The following CDCA4 variants were observed in gnomAD, a reference collection of about 807,000 sequenced individuals.
CDCA4 encodes the protein cell division cycle associated 4.
For synonymous variants in CDCA4, 130 were observed against 137.0 expected (o/e 0.95, Z 0.36); for missense variants, 294 against 322.1 (o/e 0.91, Z 0.67).
At chr14:105,012,400 G>A (rs909656815) in intron 1 of CDCA4, among the ~76,000 whole-genome samples, 3 of 152,318 alleles carry the variant, frequency 2.0e-5, no homozygotes, top group African/African-American at 4.8e-5. Context: ...GGACAGGGCC[G>A]GGCACACACA....
chr14:105,015,288 G>A (rs774665655), intron 1 of CDCA4, among the ~76,000 whole-genome samples: 4 of 138,130 alleles, frequency 2.9e-5, no homozygotes, highest in Non-Finnish European at 4.9e-5. Context: ...GGTGCTGTCA[G>A]CGGTCCTAAG....
At chr14:105,017,493 G>C (rs1008576453) in intron 1 of CDCA4, among the ~76,000 whole-genome samples, 87 of 152,060 alleles carry the variant, frequency 5.7e-4, no homozygotes, top group African/African-American at 2.0e-3. Flanking sequence ...CAAAGTGCTA[G>C]GATTACAGGA....
At chr14:105,019,325 C>CA (rs1886162039) in intron 1 of CDCA4, among the ~76,000 whole-genome samples, 1 of 152,170 alleles carries the variant, frequency 6.6e-6, no homozygotes, top group Non-Finnish European at 1.5e-5. Flanking sequence ...CTCAGGCAAG[C>CA]AGAGTACAGC....
Position 105,010,939 on chromosome 14 carries a change from AAG to A in CDCA4, c.*263_*264del. 1 of 520,516 alleles carries A rather than the reference AAG, an allele frequency of 1.9e-6. No individual in the cohort carries two copies. The highest frequency in any genetic ancestry group is 2.9e-5 in the South Asian group (1 of 34,102). The allele number at this position is 520,516 out of a possible 1,614,324, so 32.2% of individuals were successfully genotyped here. ...ACCGTCCTCTACAGTGGGGGACACA[AAG>A]AGACACGAGGGGCCCAGGGCTGTGG... On this transcript the variant is annotated 3_prime_UTR_variant, in exon 2 of 2. Transcript: ENST00000336219.
Position 105,011,845 on chromosome 14 carries a change from A to G in CDCA4, c.85T>C (p.Ser29Pro), listed in dbSNP as rs780889852. The G allele has an allele frequency of 1.2e-6, 2 of 1,613,952 alleles. No individual in the cohort carries two copies. Among genetic ancestry groups the G allele is most frequent in the South Asian group, 1.1e-5 (1 of 91,086 alleles). Residue 29 changes from serine to proline, a missense_variant, in exon 2 of 2, where the codon TCA (serine) becomes CCA (proline). Ser to Pro is a moderately conservative substitution (Grantham distance 74). Transcript: ENST00000336219. ...AGCGACTGCCGCTGCAGGCTGTATG[A>G]GGACACTGTCTTCAAGCCGGCCAGG... ...GALAGLKTVSSYSLQRQSLLD... is the reference protein window; with the variant it reads ...GALAGLKTVSPYSLQRQSLLD...
chr14:105,012,103 AG>A (rs1322115400), intron 1 of CDCA4, among the ~76,000 whole-genome samples, 168 bp from the exon 2 acceptor site: 2 of 152,220 alleles, frequency 1.3e-5, no homozygotes, highest in African/African-American at 4.8e-5. Context: ...CGTGGAGCCC[AG>A]TGGGAGACCC....
At chr14:105,017,110 T>C (rs1900670867) in intron 1 of CDCA4, among the ~76,000 whole-genome samples, 1 of 152,180 alleles carries the variant, frequency 6.6e-6, no homozygotes, top group African/African-American at 2.4e-5. Context: ...AGGGGGAACC[T>C]TTTTTCTGTC....
rs1046511472 is a variant in CDCA4, at chr14:105,009,708, A to T, written c.*1496T>A. ...AACTTTCGACATCGGGGGCTGTCAGAGGTCGTGGACACCCCCAACTCCAGC... is the reference window on the plus strand; with the variant it reads ...AACTTTCGACATCGGGGGCTGTCAGTGGTCGTGGACACCCCCAACTCCAGC... On this transcript the variant is annotated 3_prime_UTR_variant, in exon 2 of 2. Coordinates refer to ENST00000336219, the MANE Select transcript of CDCA4 (RefSeq NM_017955.4). 2.0e-4 allele frequency: 31 copies of T among 152,226 alleles called. No individual in the cohort carries two copies. The highest frequency in any genetic ancestry group is 6.8e-4 in the African/African-American group (28 of 41,456). The allele number at this position is 152,226 out of a possible 1,614,324, so 9.4% of individuals were successfully genotyped here.
intron 1 of CDCA4, among the ~76,000 whole-genome samples, chr14:105,018,578 C>A (rs1886144476): frequency 6.6e-6 from 1 of 152,076 alleles, no homozygotes; most frequent in Non-Finnish European, 1.5e-5. Context: ...TCAGCAAGAG[C>A]ATGGTCTTAA....
Position 105,011,319 on chromosome 14 carries a change from G to C in CDCA4, c.611C>G (p.Pro204Arg), listed in dbSNP as rs373693056. The change falls in exon 2 of 2, where the codon CCG becomes CGG. Residue 204 changes from proline (P) to arginine (R), a missense_variant. Transcript: ENST00000336219. ...GCCCTCGAGCCCTTCGCAGGGGCCC[G>C]GCCTGGCACCCCCCATCATGCCTGT... ...VLTGMMGGAR[P>R]GPCEGLEGLA... The C allele has an allele frequency of 1.9e-6, 3 of 1,614,000 alleles. No homozygotes were observed. In the African/African-American group the frequency reaches 4.0e-5, roughly 22 times the overall value.
chr14:105,012,399 C>T (rs1048602967), intron 1 of CDCA4, among the ~76,000 whole-genome samples: 3 of 152,198 alleles, frequency 2.0e-5, no homozygotes, highest in Non-Finnish European at 2.9e-5. Context: ...CGGACAGGGC[C>T]GGGCACACAC....
chr14:105,019,520 G>A (rs1886170388), intron 1 of CDCA4, among the ~76,000 whole-genome samples: 1 of 152,286 alleles, frequency 6.6e-6, no homozygotes, highest in African/African-American at 2.4e-5. Context: ...TCAAAGTTTC[G>A]GGTTTTTAAG....
Position 105,010,284 on chromosome 14 carries a change from C to T in CDCA4, c.*920G>A, listed in dbSNP as rs2140907033. 6.5e-6 allele frequency: 1 copy of T among 152,764 alleles called. No individual in the cohort carries two copies. The highest frequency in any genetic ancestry group is 2.1e-4 in the South Asian group (1 of 4,828). 9.5% of individuals were successfully genotyped at this position (152,764 alleles called of 1,614,324 possible). A position where few individuals can be genotyped will look rare whatever the true frequency, so the allele number is the denominator to read the frequency against. ...CGTTTCTCATCCAGCAGCAATGCTA[C>T]TTCCTCACCCAGGGCAGGTGCATGG... On this transcript the variant is annotated 3_prime_UTR_variant, in exon 2 of 2. Coordinates refer to ENST00000336219, the MANE Select transcript of CDCA4 (RefSeq NM_017955.4).
In CDCA4 at chr14:105,016,383, G is replaced by A. The variant is rs190330505; in HGVS notation, c.-6-4448C>T. ...ATGATACCAGTTTCTAACTTTAGGT[G>A]TTTTGGTATTTCTAGCATTTGGCTT... On this transcript the variant is annotated intron_variant, in intron 1 of 1. Transcript: ENST00000336219. 3.3e-5 allele frequency among the ~76,000 whole-genome samples: 5 copies of A among 152,300 alleles called. 1 individual carries two copies. The highest frequency in any genetic ancestry group is 1.3e-4 in the Admixed American group (2 of 15,306).
rs776727522 is a variant in CDCA4, at chr14:105,011,475, C to T, written c.455G>A (p.Arg152Gln). The change falls in exon 2 of 2, where the codon CGA (arginine) becomes CAA (glutamine). Residue 152 changes from arginine to glutamine, a missense_variant. Transcript: ENST00000336219. ...CTTGTGAAAGCTTCCTCTGTTTTCT[C>T]GAGGGCCATCCATCTCCCAGGCGCT... Reference protein sequence around the residue: ...QSSAWEMDGPRENRGSFHKSL... With the variant: ...QSSAWEMDGPQENRGSFHKSL... 1.9e-5 allele frequency: 30 copies of T among 1,614,066 alleles called. No individual in the cohort carries two copies. The highest frequency in any genetic ancestry group is 1.4e-5 in the Non-Finnish European group (16 of 1,180,030).
At position 105,011,860 on chromosome 14, in the gene CDCA4, A is replaced by C; in HGVS notation, c.70T>G (p.Leu24Val). ...AGGCTGTATGAGGACACTGTCTTCA[A>C]GCCGGCCAGGGCTCCCTCCACGTCT... ...EEDVEGALAG[L>V]KTVSSYSLQR... Residue 24 changes from leucine to valine, a missense_variant, in exon 2 of 2, where the codon TTG (leucine) becomes GTG (valine). By Grantham distance (32) the Leu-to-Val change is conservative. Transcript: ENST00000336219. The C allele has an allele frequency of 1.9e-6, 3 of 1,614,008 alleles. No homozygotes were observed. The highest frequency in any genetic ancestry group is 2.5e-6 in the Non-Finnish European group (3 of 1,180,026).
chr14:105,011,576 C>T lies in CDCA4; in HGVS notation c.354G>A (p.Gly118=). 1 of 1,613,956 alleles carries T rather than the reference C, an allele frequency of 6.2e-7. No homozygotes were observed. The highest frequency in any genetic ancestry group is 8.5e-7 in the Non-Finnish European group (1 of 1,179,996). Residue 118 remains glycine (G), a synonymous_variant, in exon 2 of 2, where the codon GGG becomes GGA. Transcript: ENST00000336219. The part of the protein sequence containing the change: ...QEGAHPAPGL[G]DGHTQGPVSD... ...AAACTGGACCCTGTGTGTGGCCGTC[C>T]CCCAAGCCAGGAGCAGGATGTGCCC...
At chr14:105,017,705 C>T (rs1183135006) in intron 1 of CDCA4, among the ~76,000 whole-genome samples, 1 of 152,046 alleles carries the variant, frequency 6.6e-6, no homozygotes, top group Non-Finnish European at 1.5e-5. Context: ...GTGGCACGTG[C>T]CTGTAGTCCC....
intron 1 of CDCA4, among the ~76,000 whole-genome samples, chr14:105,019,430 G>C (rs1264527652): frequency 1.3e-5 from 2 of 152,250 alleles, no homozygotes; most frequent in African/African-American, 2.4e-5. Context: ...CCCAGATTCT[G>C]ATCAGTAGGG....
Sources: allele counts gnomAD v4.1 joint callset (sites outside exome capture counted in the v4.1 genomes callset), GRCh38; gene constraint gnomAD v4.1.1; transcripts MANE v1.5; gene names NCBI Gene and HGNC (gene_info 2026-07-23, HGNC 2026-07-21).